Variants in EFNA5 observed in about 807,000 individuals in gnomAD.
The protein encoded by EFNA5 is ephrin-A5.
EFNA5 carries 5 observed loss-of-function variants against 22.9 expected under a neutral mutation model. The ratio of observed to expected loss-of-function variants is 0.22; its 90% CI spans 0.11 to 0.46. The LOEUF (loss-of-function observed/expected upper bound fraction) is 0.46, where lower values mean the gene tolerates loss of function less well. EFNA5 is among the 20% of genes least tolerant of loss of function. EFNA5 has a pLI of 0.99. For synonymous variants in EFNA5, 113 were observed against 112.2 expected, an observed-to-expected ratio of 1.01 and a Z score of -0.04; for missense variants, 237 against 293.3, an observed-to-expected ratio of 0.81 and a Z score of 1.40.
At chr5:107,461,306 G>T (rs1271934243) in intron 1 of EFNA5, among the ~76,000 whole-genome samples, 1 of 152,146 alleles carries the variant, frequency 6.6e-6, no homozygotes, top group Non-Finnish European at 1.5e-5. Flanking sequence ...CAAGGACAGA[G>T]AATATACACA....
chr5:107,438,035 G>A (rs1561386239), intron 1 of EFNA5, among the ~76,000 whole-genome samples: 1 of 152,264 alleles, frequency 6.6e-6, no homozygotes, highest in East Asian at 1.9e-4. Flanking sequence ...GTGATGCCAG[G>A]CTAATTGTTA....
rs114014314 is a variant in EFNA5 at position 107,558,713 on chromosome 5, A to T, written c.125+111776T>A. The stretch of plus-strand genomic sequence containing the variant: ...CACAATGGTCAAATGCTGTGACCTA[A>T]TTACGTCTGGACTTACTTATTTTCT... On this transcript the variant is annotated intron_variant, in intron 1 of 4. Coordinates refer to ENST00000333274, the MANE Select transcript of EFNA5 (RefSeq NM_001962.3). Among the ~76,000 whole-genome samples, 1,262 of 152,340 alleles carry T rather than the reference A, an allele frequency of 8.3e-3. 15 individuals carry two copies. Among genetic ancestry groups the T allele is most frequent in the African/African-American group, 0.028 (1,181 of 41,584 alleles).
rs561656959 is a variant in EFNA5 at position 107,571,552 on chromosome 5, T to TA, written c.125+98936dup. Among the ~76,000 whole-genome samples the TA allele has an allele frequency of 1.4e-3, 219 of 151,460 alleles. 1 individual carries two copies. The highest frequency in any genetic ancestry group is 4.9e-3 in the African/African-American group (204 of 41,254). On this transcript the variant is annotated intron_variant, in intron 1 of 4. Coordinates refer to ENST00000333274, the MANE Select transcript of EFNA5 (RefSeq NM_001962.3). ...AAGGGTCATCCTCTTTTTTTTTTTTTAAAGAATAAAATGCTAATGGCATAG... is the reference window on the plus strand; with the variant it reads ...AAGGGTCATCCTCTTTTTTTTTTTTTAAAAGAATAAAATGCTAATGGCATAG...
chr5:107,388,859 C>T (rs146218659), intron 2 of EFNA5, among the ~76,000 whole-genome samples: 311 of 152,288 alleles, frequency 2.0e-3, no homozygotes, highest in African/African-American at 6.9e-3. Flanking sequence ...TGTCTTCTCT[C>T]TCCTTTATTT....
intron 1 of EFNA5, among the ~76,000 whole-genome samples, chr5:107,533,226 C>G (rs1747857162): frequency 6.6e-6 from 1 of 152,166 alleles, no homozygotes; most frequent in Admixed American, 6.5e-5. Flanking sequence ...ATCCTATTGT[C>G]TCTCACCTTC....
chr5:107,408,808 C>T (rs545890045), intron 2 of EFNA5, among the ~76,000 whole-genome samples: 9 of 152,336 alleles, frequency 5.9e-5, no homozygotes, highest in East Asian at 1.9e-4. Context: ...CATCTTTTAT[C>T]GATTCCTCCT....
At chr5:107,446,878 T>C (rs781239204) in intron 1 of EFNA5, among the ~76,000 whole-genome samples, 6 of 152,138 alleles carry the variant, frequency 3.9e-5, no homozygotes, top group African/African-American at 7.2e-5. Context: ...GCAGGATATA[T>C]AAATACACAA....
At chr5:107,667,142 T>G (rs1442780708) in intron 1 of EFNA5, among the ~76,000 whole-genome samples, 1 of 152,086 alleles carries the variant, frequency 6.6e-6, no homozygotes, top group Non-Finnish European at 1.5e-5. Flanking sequence ...TTTTCAAATT[T>G]TGGAAATATA....
intron 1 of EFNA5, among the ~76,000 whole-genome samples, chr5:107,619,634 T>C (rs1479049643): frequency 1.3e-5 from 2 of 152,014 alleles, no homozygotes; most frequent in African/African-American, 4.8e-5. Flanking sequence ...CTAATTTTTA[T>C]ATATTTTTTA....
intron 1 of EFNA5, among the ~76,000 whole-genome samples, chr5:107,548,059 G>C (rs1748207815): frequency 6.6e-6 from 1 of 152,138 alleles, no homozygotes; most frequent in African/African-American, 2.4e-5. Context: ...CCTTTAGAAA[G>C]ATTCTAGAAG....
At chr5:107,579,405 G>T (rs777199168) in intron 1 of EFNA5, among the ~76,000 whole-genome samples, 3 of 152,176 alleles carry the variant, frequency 2.0e-5, no homozygotes, top group Non-Finnish European at 4.4e-5. Context: ...TGAACGGCTA[G>T]TGGCTGAACC....
intron 1 of EFNA5, among the ~76,000 whole-genome samples, chr5:107,476,058 T>TATATATATGTATATATATATATA: frequency 6.6e-4 from 27 of 41,038 alleles, no homozygotes; most frequent in African/African-American, 2.1e-3. Flanking sequence ...ATATATATAT[T>TATATATATGTATATATATATATA]TTTTTTTTTT....
In EFNA5 at chr5:107,663,624, T is replaced by C. The variant is rs1751011228; in HGVS notation, c.125+6865A>G. 2.6e-5 allele frequency among the ~76,000 whole-genome samples: 4 copies of C among 152,084 alleles called. No individual in the cohort carries two copies. In the South Asian group the frequency reaches 8.3e-4, roughly 31 times the overall value. On this transcript the variant is annotated intron_variant, in intron 1 of 4. Transcript: ENST00000333274. ...TCCAATCATAAAACTTGCAGCAATA[T>C]CCTATTACAATCAAATCAACTGTAC... is the stretch of plus-strand genomic sequence containing the variant.
intron 1 of EFNA5, among the ~76,000 whole-genome samples, chr5:107,513,923 G>C (rs1394877478): frequency 6.6e-6 from 1 of 152,206 alleles, no homozygotes; most frequent in Admixed American, 6.5e-5. Flanking sequence ...TGCGAGGTAG[G>C]CCTGGGTCAG....
intron 2 of EFNA5, among the ~76,000 whole-genome samples, chr5:107,401,176 A>G (rs1446713625): frequency 1.3e-5 from 2 of 152,208 alleles, no homozygotes. Context: ...ATTAGCCATG[A>G]TAGTAATACC....
chr5:107,635,867 C>A (rs27550), intron 1 of EFNA5, among the ~76,000 whole-genome samples: 22,901 of 152,228 alleles, frequency 0.15, 1,905 homozygotes, highest in Admixed American at 0.21. Flanking sequence ...CAACATTCAA[C>A]AAGGTCATGC....
At chr5:107,454,422 T>A (rs887730342) in intron 1 of EFNA5, among the ~76,000 whole-genome samples, 2 of 152,202 alleles carry the variant, frequency 1.3e-5, no homozygotes, top group Non-Finnish European at 2.9e-5. Context: ...TACATTAAAA[T>A]CAGCTGTAAT....
intron 1 of EFNA5, among the ~76,000 whole-genome samples, chr5:107,515,367 TA>T (rs1366496719): frequency 1.4e-5 from 2 of 145,888 alleles, no homozygotes; most frequent in Non-Finnish European, 1.5e-5. Context: ...TTTATTTTAT[TA>T]TTATTATTAT....
intron 1 of EFNA5, among the ~76,000 whole-genome samples, chr5:107,476,907 TA>T (rs1334508441): frequency 6.6e-6 from 1 of 152,168 alleles, no homozygotes; most frequent in African/African-American, 2.4e-5. Context: ...ACACCTTATA[TA>T]GCTTAAAAAC....
Sources: gnomAD v4.1 joint callset for allele counts (sites outside exome capture counted in the v4.1 genomes callset) on GRCh38, gnomAD v4.1.1 for gene constraint, MANE v1.5 for transcripts, NCBI Gene and HGNC (gene_info 2026-07-23, HGNC 2026-07-21) for gene names.